The following KLHDC4 variants were observed in gnomAD, a reference collection of about 807,000 sequenced individuals.
KLHDC4 encodes kelch domain-containing protein 4.
KLHDC4 carries 90 observed loss-of-function variants against 62.4 expected under a neutral mutation model. That is an observed-to-expected ratio of 1.44 (90% CI 1.22 to 1.72). The LOEUF (loss-of-function observed/expected upper bound fraction) is 1.72, where lower values mean the gene tolerates loss of function less well. Among genes scored for constraint, KLHDC4 ranks in the 40% most tolerant of loss-of-function variants. KLHDC4 has a pLI of 0.00. For synonymous variants in KLHDC4, 386 were observed against 284.4 expected, an observed-to-expected ratio of 1.36 and a Z score of -3.59; for missense variants, 1,025 against 699.7, an observed-to-expected ratio of 1.47 and a Z score of -5.25.
exon 1 of KLHDC4, chr16:87,700,250 G>A (rs1030056363): frequency 1.9e-5 from 3 of 154,888 alleles, no homozygotes; most frequent in African/African-American, 7.2e-5. Flanking sequence ...CTTTGGTCTT[G>A]GAAACTTGAC....
chr16:87,749,300 A>C (rs1376006937), intron 4 of KLHDC4, among the ~76,000 whole-genome samples: 1 of 152,152 alleles, frequency 6.6e-6, no homozygotes, highest in Non-Finnish European at 1.5e-5. Flanking sequence ...TCACACCTGT[A>C]ATCCCAGCAC....
intron 5 of KLHDC4, among the ~76,000 whole-genome samples, chr16:87,736,447 G>C (rs989023553): frequency 2.6e-5 from 4 of 152,186 alleles, no homozygotes; most frequent in Non-Finnish European, 5.9e-5. Flanking sequence ...ATCCCTGAGA[G>C]TCTAGTGGCT....
intron 4 of KLHDC4, among the ~76,000 whole-genome samples, chr16:87,752,999 C>G (rs1007113898): frequency 7.2e-5 from 11 of 152,232 alleles, no homozygotes; most frequent in African/African-American, 2.7e-4. Context: ...CCACGCAGCC[C>G]TGACCCATGA....
In KLHDC4 at chr16:87,708,158, G is replaced by A. The variant is rs754479421; in HGVS notation, c.*2-83C>T. 1.4e-4 allele frequency: 90 copies of A among 629,670 alleles called. No individual in the cohort carries two copies. In the East Asian group the frequency reaches 2.0e-3, roughly 14 times the overall value. 39.0% of individuals were successfully genotyped at this position (629,670 alleles called of 1,614,324 possible). On this transcript the variant is annotated intron_variant, in intron 11 of 11. Coordinates refer to ENST00000270583, the MANE Select transcript of KLHDC4 (RefSeq NM_017566.4). ...GTGCAGGAGGGGTAGAGAGAACACCGGGTTTTCAGGGAAGACCTCATCAAA... is the reference window on the plus strand; with the variant it reads ...GTGCAGGAGGGGTAGAGAGAACACCAGGTTTTCAGGGAAGACCTCATCAAA...
chr16:87,721,353 G>A (rs145894215), intron 7 of KLHDC4, among the ~76,000 whole-genome samples: 6,407 of 149,500 alleles, frequency 0.043, 440 homozygotes, highest in African/African-American at 0.15. Flanking sequence ...GGTGGAGCTT[G>A]CAGTGCGCCG....
intron 5 of KLHDC4, among the ~76,000 whole-genome samples, chr16:87,744,946 C>T (rs1453329480): frequency 6.6e-6 from 1 of 151,742 alleles, no homozygotes; most frequent in Non-Finnish European, 1.5e-5. Context: ...CATGCACTCA[C>T]ATATGCTCAC....
intron 5 of KLHDC4, among the ~76,000 whole-genome samples, chr16:87,735,723 G>T (rs984578286): frequency 1.3e-5 from 2 of 152,120 alleles, no homozygotes; most frequent in Non-Finnish European, 2.9e-5. Flanking sequence ...TCCTAAATAC[G>T]AAGTCTTAAA....
At position 87,757,920 on chromosome 16, in the gene KLHDC4, T is replaced by C. The variant is rs1292939451; in HGVS notation, c.192-1443A>G. Among the ~76,000 whole-genome samples the C allele has an allele frequency of 2.0e-5, 3 of 152,122 alleles. No individual in the cohort carries two copies. In the East Asian group the frequency reaches 5.8e-4, roughly 29 times the overall value. On this transcript the variant is annotated intron_variant, in intron 2 of 11. Coordinates refer to ENST00000270583, the MANE Select transcript of KLHDC4 (RefSeq NM_017566.4). ...AACAAAAAATAAATAAATAAATACA[T>C]AGGGCCACTTCAGTTGAAAGTAATG...
rs532552633 is a variant in KLHDC4 at position 87,762,169 on chromosome 16, T to C, written c.100-129A>G. ...GTCACATCTGTGAATTGCAACATAC[T>C]GTGCCTGTTTGAAATGCAGAGTTTG... On this transcript the variant is annotated intron_variant, in intron 1 of 11. Coordinates refer to ENST00000270583, the MANE Select transcript of KLHDC4 (RefSeq NM_017566.4). 8.1e-5 allele frequency: 120 copies of C among 1,484,050 alleles called. 1 individual carries two copies. Among genetic ancestry groups the C allele is most frequent in the Middle Eastern group, 5.0e-4 (2 of 3,990 alleles). 91.9% of individuals were successfully genotyped at this position (1,484,050 alleles called of 1,614,324 possible).
chr16:87,755,312 TGTCA>T lies in KLHDC4; in HGVS notation c.271-24_271-21del, dbSNP rs763377054. The T allele has an allele frequency of 1.7e-5, 22 of 1,310,300 alleles. No homozygotes were observed. In the East Asian group the frequency reaches 4.4e-4, roughly 26 times the overall value. 81.2% of individuals were successfully genotyped at this position (1,310,300 alleles called of 1,614,324 possible). Reference sequence around the variant, plus strand: ...AAAAGTCTACAGGAAGGAAGAAGAATGTCAGTGTCACAAATGATACGCTTCCAAG... The same window carrying T: ...AAAAGTCTACAGGAAGGAAGAAGAATGTGTCACAAATGATACGCTTCCAAG... On this transcript the variant is annotated intron_variant, in intron 3 of 11. Transcript: ENST00000270583.
chr16:87,721,264 T>C (rs559318128), intron 7 of KLHDC4, among the ~76,000 whole-genome samples: 93 of 151,552 alleles, frequency 6.1e-4, no homozygotes, highest in African/African-American at 2.1e-3. Context: ...ACTAAAAATA[T>C]AAAAAATTAG....
downstream of KLHDC4, among the ~76,000 whole-genome samples, chr16:87,706,840 C>T (rs145282449): frequency 6.6e-6 from 1 of 152,188 alleles, no homozygotes; most frequent in South Asian, 2.1e-4. Flanking sequence ...CCTGGGCCCA[C>T]CTGGAGCCGT....
At chr16:87,751,192 C>G (rs2043870981) in intron 4 of KLHDC4, among the ~76,000 whole-genome samples, 1 of 152,198 alleles carries the variant, frequency 6.6e-6, no homozygotes, top group Admixed American at 6.5e-5. Context: ...GAAATATGAA[C>G]TGGCTGGGCG....
At chr16:87,730,878 C>T (rs2040228012) in intron 5 of KLHDC4, 1 of 416,720 alleles carries the variant, frequency 2.4e-6, no homozygotes, top group Non-Finnish European at 4.3e-6. Context: ...TCTCCAAGAC[C>T]TTGGACTGCA....
intron 2 of KLHDC4, among the ~76,000 whole-genome samples, chr16:87,757,098 A>G (rs958953669): frequency 1.3e-5 from 2 of 151,798 alleles, no homozygotes; most frequent in Admixed American, 6.6e-5. Flanking sequence ...TACAGGTGTG[A>G]GCCACCGTGC....
At chr16:87,738,669 C>T (rs62055588) in intron 5 of KLHDC4, among the ~76,000 whole-genome samples, 6,245 of 126,326 alleles carry the variant, frequency 0.049, 144 homozygotes, top group Non-Finnish European at 0.073. Context: ...TCTCATCCAT[C>T]CACACACCAG....
At chr16:87,707,316 T>G (rs552072328), downstream of KLHDC4, among the ~76,000 whole-genome samples, 1 of 152,316 alleles carries the variant, frequency 6.6e-6, no homozygotes, top group East Asian at 1.9e-4. Flanking sequence ...CCAGCCTCCC[T>G]TCCTGTCGCT....
chr16:87,736,843 G>A (rs1210267577), intron 5 of KLHDC4, among the ~76,000 whole-genome samples: 8 of 152,168 alleles, frequency 5.3e-5, no homozygotes, highest in East Asian at 1.9e-4. Flanking sequence ...CAAGGAAATC[G>A]GCCGGGCGCG....
intron 5 of KLHDC4, 65 bp downstream of exon 5, chr16:87,748,608 T>C: frequency 1.3e-6 from 2 of 1,598,072 alleles, no homozygotes; most frequent in Non-Finnish European, 1.7e-6. Context: ...CTCCGAGCAC[T>C]CGGGCTCAGC....
Sources: allele counts gnomAD v4.1 joint callset (sites outside exome capture counted in the v4.1 genomes callset), GRCh38; gene constraint gnomAD v4.1.1; transcripts MANE v1.5; gene names NCBI Gene and HGNC (gene_info 2026-07-23, HGNC 2026-07-21).